The following GALNT8 variants were observed in gnomAD, a reference collection of about 807,000 sequenced individuals.
GALNT8 encodes probable polypeptide N-acetylgalactosaminyltransferase 8.
In GALNT8, 66 loss-of-function variants were observed where a neutral mutation model predicts 62.7. The ratio of observed to expected loss-of-function variants is 1.05; its 90% CI spans 0.86 to 1.29. The LOEUF is 1.29. Ranked by LOEUF, GALNT8 falls within the 50% of genes most tolerant of loss-of-function variation. The pLI, the probability that GALNT8 is intolerant of heterozygous loss-of-function variation, is 0.00. For synonymous variants in GALNT8, 288 were observed against 294.3 expected, an observed-to-expected ratio of 0.98 and a Z score of 0.22; for missense variants, 771 against 791.8, an observed-to-expected ratio of 0.97 and a Z score of 0.32.
At chr12:4,761,419 C>T (rs974428023) in intron 7 of GALNT8, among the ~76,000 whole-genome samples, 3 of 152,030 alleles carry the variant, frequency 2.0e-5, no homozygotes, top group Non-Finnish European at 4.4e-5. Flanking sequence ...AGCTGAGGCA[C>T]AGAGAGTTGG....
chr12:4,724,834 A>G (rs1946187345), intron 1 of GALNT8, among the ~76,000 whole-genome samples: 2 of 152,074 alleles, frequency 1.3e-5, no homozygotes, highest in Non-Finnish European at 2.9e-5. Context: ...TTCTCCTCCC[A>G]GTCACAGGAC....
chr12:4,765,682 G>A, intron 10 of GALNT8, 136 bp downstream of exon 10: 1 of 625,126 alleles, frequency 1.6e-6, no homozygotes, highest in Non-Finnish European at 2.7e-6. Flanking sequence ...AAGAGATTTG[G>A]GTTGGCTGTG....
At chr12:4,728,465 C>A (rs1310032194) in intron 2 of GALNT8, among the ~76,000 whole-genome samples, 1 of 151,612 alleles carries the variant, frequency 6.6e-6, no homozygotes, top group African/African-American at 2.4e-5. Context: ...AGGTTTACAC[C>A]CATGTTTTCT....
chr12:4,764,284 C>G (rs139722328), intron 9 of GALNT8, among the ~76,000 whole-genome samples: 79 of 152,352 alleles, frequency 5.2e-4, no homozygotes, highest in African/African-American at 1.9e-3. Flanking sequence ...AAGCTATGCT[C>G]TGTCACATTC....
At chr12:4,744,020 C>G (rs902462534) in intron 3 of GALNT8, among the ~76,000 whole-genome samples, 1 of 152,170 alleles carries the variant, frequency 6.6e-6, no homozygotes, top group African/African-American at 2.4e-5. Flanking sequence ...TAGAAGCTGG[C>G]AAAGAGATTA....
At chr12:4,754,110 G>A (rs976543213) in intron 6 of GALNT8, among the ~76,000 whole-genome samples, 28 of 152,108 alleles carry the variant, frequency 1.8e-4, no homozygotes, top group African/African-American at 5.8e-4. Context: ...CGTGACCACC[G>A]CCACTGTGAC....
Position 4,761,047 on chromosome 12 carries a change from C to G in GALNT8, c.1263C>G (p.Leu421=). 6.2e-7 allele frequency: 1 copy of G among 1,614,070 alleles called. No individual in the cohort carries two copies. Among genetic ancestry groups the G allele is most frequent in the Non-Finnish European group, 8.5e-7 (1 of 1,179,968 alleles). ...ERHHKPYALD[L]TAALKRNALR... The stretch of plus-strand genomic sequence containing the variant: ...ACCACAAGCCCTACGCCTTGGATCT[C>G]ACCGCTGCCTTGAAGCGCAATGCTC... Residue 421 remains leucine (L), a synonymous_variant, in exon 7 of 11, where the codon CTC becomes CTG. Coordinates refer to ENST00000252318, the MANE Select transcript of GALNT8 (RefSeq NM_017417.2).
chr12:4,761,784 G>A (rs1414658335), intron 7 of GALNT8, among the ~76,000 whole-genome samples: 1 of 152,152 alleles, frequency 6.6e-6, no homozygotes, highest in East Asian at 1.9e-4. Flanking sequence ...GTCGTGCTGT[G>A]CTCTCTCGTG....
At chr12:4,760,350 T>C (rs1326547528) in intron 6 of GALNT8, among the ~76,000 whole-genome samples, 4 of 152,212 alleles carry the variant, frequency 2.6e-5, no homozygotes, top group Non-Finnish European at 4.4e-5. Flanking sequence ...GCAGCTTCCT[T>C]CTTCAAAGCC....
intron 3 of GALNT8, among the ~76,000 whole-genome samples, chr12:4,740,966 A>G (rs1202114977): frequency 6.6e-6 from 1 of 152,220 alleles, no homozygotes; most frequent in Non-Finnish European, 1.5e-5. Flanking sequence ...GTAGCCTCTC[A>G]GCAATTGTTG....
Position 4,758,633 on chromosome 12 carries a change from TGTGTGAGAGAGAGAGAGA to T in GALNT8, c.1174-2323_1174-2306del, listed in dbSNP as rs1309231093. Among the ~76,000 whole-genome samples the T allele has an allele frequency of 1.1e-4, 9 of 79,908 alleles. No homozygotes were observed. The East Asian group carries it at 1.4e-3, about 12-fold the overall frequency. 52.4% of individuals were successfully genotyped at this position (79,908 alleles called of 152,430 possible). A position where few individuals can be genotyped will look rare whatever the true frequency, so the allele number is the denominator to read the frequency against. Reference sequence around the variant, plus strand: ...GTGTGTGTGTGTGTGTGTGTGTGTGTGTGTGAGAGAGAGAGAGAGAGAGAGAGAGAGAGAGAGAGAGAG... The same window carrying T: ...GTGTGTGTGTGTGTGTGTGTGTGTGTGAGAGAGAGAGAGAGAGAGAGAGAG... On this transcript the variant is annotated intron_variant, in intron 6 of 10. Transcript: ENST00000252318.
rs200309677 is a variant in GALNT8, at chr12:4,738,593, G to GA, written c.510-564dup. ...GAAATTAAAAATGGGCAAACATATA[G>GA]AAAAAACTTTTGGAGCTGATAGATA... is the stretch of plus-strand genomic sequence containing the variant. On this transcript the variant is annotated intron_variant, in intron 2 of 10. Transcript: ENST00000252318. Among the ~76,000 whole-genome samples, 728 of 152,198 alleles carry GA rather than the reference G, an allele frequency of 4.8e-3. 9 individuals are homozygous for GA. The highest frequency in any genetic ancestry group is 0.017 in the African/African-American group (696 of 41,540).
Position 4,763,985 on chromosome 12 carries a change from G to C in GALNT8, c.1531G>C (p.Asp511His), listed in dbSNP as rs748909241. The C allele has an allele frequency of 2.5e-6, 4 of 1,596,492 alleles. No individual in the cohort carries two copies. The highest frequency in any genetic ancestry group is 3.3e-5 in the Admixed American group (2 of 59,982). ...KNLLDENVCLDQGPVPGNTPI... is the reference protein window; with the variant it reads ...KNLLDENVCLHQGPVPGNTPI... ...CCTATTGGATGAAAATGTCTGCTTG[G>C]ATCAGGGACCCGTTCCAGGCAACAC... Residue 511 changes from aspartate to histidine, a missense_variant, in exon 9 of 11, where the codon GAT becomes CAT. Physicochemically the swap from Asp to His is moderately conservative, Grantham distance 81. Transcript: ENST00000252318.
rs756134721 is a variant in GALNT8, at chr12:4,761,157, T to A, written c.1359+14T>A. 1.2e-6 allele frequency: 2 copies of A among 1,606,912 alleles called. No individual in the cohort carries two copies. Among genetic ancestry groups the A allele is most frequent in the Admixed American group, 3.3e-5 (2 of 59,866 alleles). Reference sequence around the variant, plus strand: ...ATACCTCTCCAGGTGAGTCATGGAATTGAACAGCAGCACGGAAGAATGAAA... The same window carrying A: ...ATACCTCTCCAGGTGAGTCATGGAAATGAACAGCAGCACGGAAGAATGAAA... On this transcript the variant is annotated intron_variant, in intron 7 of 10. Coordinates refer to ENST00000252318, the MANE Select transcript of GALNT8 (RefSeq NM_017417.2).
chr12:4,741,958 T>A (rs1946274319), intron 3 of GALNT8, among the ~76,000 whole-genome samples: 1 of 152,220 alleles, frequency 6.6e-6, no homozygotes, highest in African/African-American at 2.4e-5. Context: ...AATATCTGTT[T>A]TATGTTAAAC....
chr12:4,767,329 GT>G (rs993592194), intron 10 of GALNT8, among the ~76,000 whole-genome samples: 1 of 152,160 alleles, frequency 6.6e-6, no homozygotes. Flanking sequence ...GGGGTTTGCT[GT>G]TTTTTCTCTA....
At chr12:4,745,224 A>G (rs900569426) in intron 4 of GALNT8, among the ~76,000 whole-genome samples, 2 of 152,176 alleles carry the variant, frequency 1.3e-5, no homozygotes, top group Non-Finnish European at 2.9e-5. Context: ...CCTGTTCTCG[A>G]TGCGGGTTGG....
At chr12:4,758,995 C>T (rs983727868) in intron 6 of GALNT8, among the ~76,000 whole-genome samples, 2 of 152,032 alleles carry the variant, frequency 1.3e-5, no homozygotes, top group African/African-American at 4.8e-5. Context: ...AGGCTGGTCT[C>T]AAATTCCTGA....
chr12:4,768,558 T>A (rs1047859333), intron 10 of GALNT8: 1 of 273,498 alleles, frequency 3.7e-6, no homozygotes, highest in African/African-American at 2.2e-5. Context: ...AAAAGAGATT[T>A]GGGTTGGCTG....
Sources: gnomAD v4.1 joint callset for allele counts (sites outside exome capture counted in the v4.1 genomes callset) on GRCh38, gnomAD v4.1.1 for gene constraint, MANE v1.5 for transcripts, NCBI Gene and HGNC (gene_info 2026-07-23, HGNC 2026-07-21) for gene names.